The following TIAM1 variants were observed in gnomAD, a reference collection of about 807,000 sequenced individuals.
The protein encoded by TIAM1 is TIAM Rac1 associated GEF 1, also known as rho guanine nucleotide exchange factor TIAM1.
A neutral mutation model predicts 163.5 loss-of-function variants in TIAM1; 65 were observed. The ratio of observed to expected loss-of-function variants is 0.40; its 90% CI spans 0.33 to 0.49. TIAM1 has a LOEUF of 0.49. Among genes scored for constraint, TIAM1 ranks in the 20% least tolerant of loss-of-function variants. The pLI, the probability that TIAM1 is intolerant of heterozygous loss-of-function variation, is 0.77. For synonymous variants in TIAM1, 833 were observed against 810.1 expected, an observed-to-expected ratio of 1.03 and a Z score of -0.48; for missense variants, 1,789 against 2,044.7, an observed-to-expected ratio of 0.87 and a Z score of 2.41.
intron 13 of TIAM1, among the ~76,000 whole-genome samples, chr21:31,192,893 A>G (rs1480956806): frequency 1.3e-5 from 2 of 152,134 alleles, no homozygotes; most frequent in Non-Finnish European, 2.9e-5. Flanking sequence ...TGGAATGAGG[A>G]CAACGTATGG....
At chr21:31,368,602 A>G (rs1433390254) in intron 2 of TIAM1, among the ~76,000 whole-genome samples, 1 of 152,236 alleles carries the variant, frequency 6.6e-6, no homozygotes, top group Non-Finnish European at 1.5e-5. Context: ...TACAGGCTTC[A>G]AATAGATGCG....
intron 12 of TIAM1, among the ~76,000 whole-genome samples, chr21:31,199,689 C>A (rs2086092856): frequency 6.6e-6 from 1 of 151,756 alleles, no homozygotes; most frequent in Non-Finnish European, 1.5e-5. Context: ...TGCCACCATG[C>A]CTGGTTAATT....
intron 1 of TIAM1, among the ~76,000 whole-genome samples, chr21:31,508,263 A>G (rs1412166423): frequency 6.6e-6 from 1 of 152,186 alleles, no homozygotes; most frequent in Non-Finnish European, 1.5e-5. Context: ...GTACTCTGTT[A>G]GCACAGCCCT....
intron 15 of TIAM1, among the ~76,000 whole-genome samples, chr21:31,181,774 T>C (rs2085036991): frequency 1.3e-4 from 8 of 61,938 alleles, no homozygotes; most frequent in African/African-American, 5.6e-4. Flanking sequence ...TTTTTTTTTT[T>C]TTTTTTTTTT....
intron 2 of TIAM1, among the ~76,000 whole-genome samples, chr21:31,369,239 G>GAA (rs869293709): frequency 0.011 from 829 of 76,970 alleles, 18 homozygotes; most frequent in African/African-American, 0.044. Context: ...AAAAAAGAAA[G>GAA]AAAGAAAGAA....
chr21:31,339,588 C>T (rs1259216890), intron 1 of TIAM1, among the ~76,000 whole-genome samples, 166 bp from the exon 2 acceptor site: 1 of 152,074 alleles, frequency 6.6e-6, no homozygotes, highest in Non-Finnish European at 1.5e-5. Flanking sequence ...ATAAGCAGTT[C>T]GTATTTTAAT....
At chr21:31,184,339 C>T (rs985274608) in intron 14 of TIAM1, among the ~76,000 whole-genome samples, 3 of 152,198 alleles carry the variant, frequency 2.0e-5, no homozygotes, top group Non-Finnish European at 4.4e-5. Context: ...CTCCTCACCT[C>T]AGGTGATCCG....
chr21:31,172,530 T>A (rs2084562575), intron 15 of TIAM1, among the ~76,000 whole-genome samples: 1 of 152,096 alleles, frequency 6.6e-6, no homozygotes, highest in Non-Finnish European at 1.5e-5. Context: ...TAAGGCTCAG[T>A]CGTGGCTGGA....
chr21:31,154,121 C>A (rs566886875), intron 17 of TIAM1, 126 bp downstream of exon 17: 91 of 1,118,278 alleles, frequency 8.1e-5, no homozygotes, highest in Non-Finnish European at 9.7e-5. Context: ...AGGCAAAATT[C>A]CAGGAGAAAC....
At chr21:31,432,867 C>T (rs895655590) in intron 2 of TIAM1, among the ~76,000 whole-genome samples, 5 of 151,978 alleles carry the variant, frequency 3.3e-5, no homozygotes, top group African/African-American at 7.3e-5. Flanking sequence ...TGGTCGCTCC[C>T]GTCAAAGGGG....
rs549190092 is a variant in TIAM1, at chr21:31,243,603, T to A, written c.1584+1885A>T. Among the ~76,000 whole-genome samples, 5 of 152,272 alleles carry A rather than the reference T, an allele frequency of 3.3e-5. No homozygotes were observed. In the South Asian group the frequency reaches 1.0e-3, roughly 32 times the overall value. The stretch of plus-strand genomic sequence containing the variant: ...ATATATACACATTGTATTTTGTGGC[T>A]ACTAGTACCCACAACAATTTTTAAA... On this transcript the variant is annotated intron_variant, in intron 6 of 27. Coordinates refer to ENST00000541036, the MANE Select transcript of TIAM1 (RefSeq NM_001353694.2).
intron 26 of TIAM1, 113 bp downstream of exon 26, chr21:31,126,952 G>T: frequency 2.1e-6 from 2 of 965,786 alleles, no homozygotes; most frequent in Non-Finnish European, 3.2e-6. Flanking sequence ...CTGCATCTCA[G>T]TGATGTTACA....
intron 1 of TIAM1, among the ~76,000 whole-genome samples, chr21:31,534,462 G>A (rs1397432101): frequency 6.6e-6 from 1 of 152,078 alleles, no homozygotes; most frequent in Admixed American, 6.5e-5. Context: ...GATCACCCAA[G>A]GTCAGGAGTT....
intron 1 of TIAM1, among the ~76,000 whole-genome samples, chr21:31,467,847 GC>G (rs2045587523): frequency 6.6e-6 from 1 of 151,792 alleles, no homozygotes; most frequent in South Asian, 2.1e-4. Context: ...ACTTTAGGAG[GC>G]CAAGGCAGGT....
chr21:31,134,507 A>ATTTGT (rs2082541946), intron 23 of TIAM1, among the ~76,000 whole-genome samples: 1 of 151,610 alleles, frequency 6.6e-6, no homozygotes, highest in Non-Finnish European at 1.5e-5. Flanking sequence ...CTGCACTTAC[A>ATTTGT]TTTGTTTTGT....
At chr21:31,309,355 G>GCCATTCAT (rs1306826331) in intron 2 of TIAM1, among the ~76,000 whole-genome samples, 4 of 152,186 alleles carry the variant, frequency 2.6e-5, no homozygotes, top group African/African-American at 9.6e-5. Context: ...CCACTCAGGA[G>GCCATTCAT]GCTGAGGCAG....
chr21:31,537,777 T>C (rs538500055), intron 1 of TIAM1, among the ~76,000 whole-genome samples: 5 of 151,466 alleles, frequency 3.3e-5, no homozygotes, highest in Non-Finnish European at 7.4e-5. Context: ...GAGAGAAAAG[T>C]ATTAATATTT....
At chr21:31,444,520 A>C (rs542225138) in intron 2 of TIAM1, among the ~76,000 whole-genome samples, 1 of 151,932 alleles carries the variant, frequency 6.6e-6, no homozygotes, top group East Asian at 1.9e-4. Context: ...TAGATGACTA[A>C]TTGCTACAAT....
At position 31,157,703 on chromosome 21, in the gene TIAM1, G is replaced by A. The variant is rs114305686; in HGVS notation, c.2992-3277C>T. 2.8e-3 allele frequency among the ~76,000 whole-genome samples: 428 copies of A among 151,848 alleles called. 3 individuals are homozygous for A. The highest frequency in any genetic ancestry group is 9.8e-3 in the African/African-American group (407 of 41,430). ...GTTTTTGGGCTGTGAGAGCAAACCC[G>A]AGTACCCAGAGAAAACCCACGAAGA... On this transcript the variant is annotated intron_variant, in intron 16 of 27. Transcript: ENST00000541036.
Sources: allele counts gnomAD v4.1 joint callset (sites outside exome capture counted in the v4.1 genomes callset), GRCh38; gene constraint gnomAD v4.1.1; transcripts MANE v1.5; gene names NCBI Gene and HGNC (gene_info 2026-07-23, HGNC 2026-07-21).